The following HCFC1 variants were observed in gnomAD, a reference collection of about 807,000 sequenced individuals.
HCFC1 encodes the protein host cell factor 1.
HCFC1 carries 7 observed loss-of-function variants against 105.5 expected under a neutral mutation model. The ratio of observed to expected loss-of-function variants is 0.07; its 90% CI spans 0.04 to 0.12. The LOEUF (loss-of-function observed/expected upper bound fraction) is 0.12. Among genes scored for constraint, HCFC1 ranks in the 10% least tolerant of loss-of-function variants. HCFC1 has a pLI of 1.00. For synonymous variants in HCFC1, 918 were observed against 828.1 expected, an observed-to-expected ratio of 1.11 and a Z score of -1.86; for missense variants, 1,065 against 1,823.6, an observed-to-expected ratio of 0.58 and a Z score of 7.58.
At chrX:153,964,384 C>A in intron 2 of HCFC1, 100 bp from the exon 3 acceptor site, 1 of 942,100 alleles carries the variant, frequency 1.1e-6, no homozygotes, top group Non-Finnish European at 1.5e-6. Flanking sequence ...CGGGGGTGAG[C>A]GAGGTGCCTT....
rs781984758 is a variant in HCFC1, at chrX:153,954,963, C to T, written c.3436G>A (p.Val1146Met). ...CCAGTGGCCACACTGATCCGGATCA[C>T]GGCAGGGGTGCCAGCTGCACAGGCC... is the stretch of plus-strand genomic sequence containing the variant. ...RRACAAGTPA[V>M]IRISVATGAL... Residue 1146 changes from valine to methionine, a missense_variant, in exon 17 of 26, where the codon GTG (valine) becomes ATG (methionine). By Grantham distance (21) the Val-to-Met change is conservative. Around this residue, in one of 17 missense-constraint regions of HCFC1, gnomAD observed 546 missense variants for 599.9 expected, o/e 0.91. Transcript: ENST00000310441. 1.2e-5 allele frequency: 14 copies of T among 1,199,678 alleles called. No homozygotes were observed. The highest frequency in any genetic ancestry group is 9.0e-5 in the South Asian group (5 of 55,859).
chrX:153,957,640 G>A (rs2065390758), intron 12 of HCFC1, 107 bp from the exon 13 acceptor site: 2 of 790,076 alleles, frequency 2.5e-6, no homozygotes, highest in African/African-American at 4.1e-5. Flanking sequence ...TGTTCTGGAG[G>A]CTGTGGGCGA....
intron 24 of HCFC1, 127 bp from the exon 25 acceptor site, chrX:153,949,743 G>A: frequency 1.7e-6 from 1 of 595,320 alleles, no homozygotes; most frequent in East Asian, 3.3e-5. Flanking sequence ...CAAGGGTGGG[G>A]CGCCTGCCCT....
In HCFC1 at chrX:153,954,443, T is replaced by C; in HGVS notation, c.3956A>G (p.Asn1319Ser). The C allele has an allele frequency of 8.3e-7, 1 of 1,210,759 alleles. No homozygotes were observed. The highest frequency in any genetic ancestry group is 1.1e-6 in the Non-Finnish European group (1 of 895,093). Reference sequence around the variant, plus strand: ...CGTCTCGTGGGTCTCGCATGGCGGGTTGGAGCACACCCTCTGGGCGCTGCC... The same window carrying C: ...CGTCTCGTGGGTCTCGCATGGCGGGCTGGAGCACACCCTCTGGGCGCTGCC... ...NAGSAQRVCS[N>S]PPCETHETGT... The change falls in exon 17 of 26, where the codon AAC becomes AGC. Residue 1319 changes from asparagine (N) to serine (S), a missense_variant. Asn to Ser is a conservative substitution (Grantham distance 46). Around this residue, in one of 17 missense-constraint regions of HCFC1, gnomAD observed 546 missense variants for 599.9 expected, o/e 0.91. Coordinates refer to ENST00000310441, the MANE Select transcript of HCFC1 (RefSeq NM_005334.3).
chrX:153,964,387 G>T, intron 2 of HCFC1, 103 bp from the exon 3 acceptor site: 1 of 942,707 alleles, frequency 1.1e-6, no homozygotes, highest in Non-Finnish European at 1.5e-6. Flanking sequence ...GGGTGAGCGA[G>T]GTGCCTTGCT....
chrX:153,962,042 A>ATCTG (rs782274838), intron 5 of HCFC1, among the ~76,000 whole-genome samples, 180 bp downstream of exon 5: 3 of 111,563 alleles, frequency 2.7e-5, no homozygotes, highest in African/African-American at 9.8e-5. Context: ...TCCCCCCTGA[A>ATCTG]TCTGTCTTTC....
intron 9 of HCFC1, 117 bp downstream of exon 9, chrX:153,959,214 A>G: frequency 2.6e-6 from 2 of 768,599 alleles, no homozygotes; most frequent in Non-Finnish European, 3.8e-6. Flanking sequence ...CCCAGGAGGG[A>G]AAGGTGTGGG....
chrX:153,962,040 G>C (rs1291419116), intron 5 of HCFC1, among the ~76,000 whole-genome samples, 182 bp downstream of exon 5: 1 of 111,524 alleles, frequency 9.0e-6, no homozygotes, highest in African/African-American at 3.3e-5. Context: ...TCTCCCCCCT[G>C]AATCTGTCTT....
In HCFC1 at chrX:153,952,678, G is replaced by A; in HGVS notation, c.4778C>T (p.Ala1593Val). ...GGTGGTGGTGCCAGCTTGGGCCTCG[G>A]CCATTAGCTCTTGGGGAAGTGATAA... ...DQLSLPQELMAEAQAGTTTLM... is the reference protein window; with the variant it reads ...DQLSLPQELMVEAQAGTTTLM... Residue 1593 changes from alanine (A) to valine (V), a missense_variant, in exon 19 of 26, where the codon GCC becomes GTC. By Grantham distance (64) the Ala-to-Val change is moderately conservative. Transcript: ENST00000310441. 2.5e-6 allele frequency: 3 copies of A among 1,210,892 alleles called. No individual in the cohort carries two copies. The highest frequency in any genetic ancestry group is 3.4e-6 in the Non-Finnish European group (3 of 895,040).
chrX:153,970,338 A>G (rs1389471558), intron 1 of HCFC1, among the ~76,000 whole-genome samples: 1 of 106,038 alleles, frequency 9.4e-6, no homozygotes, highest in East Asian at 3.0e-4. Flanking sequence ...CCAATCCTCA[A>G]ACACGGGAGA....
At position 153,959,819 on chromosome X, in the gene HCFC1, G is replaced by C; in HGVS notation, c.1427C>G (p.Thr476Ser). Residue 476 changes from threonine to serine, a missense_variant, in exon 8 of 26, where the codon ACC becomes AGC. Physicochemically the swap from Thr to Ser is moderately conservative, Grantham distance 58 (BLOSUM62 1). Around this residue, in one of 17 missense-constraint regions of HCFC1, gnomAD observed 101 missense variants for 155.1 expected, o/e 0.65. Transcript: ENST00000310441. Reference sequence around the variant, plus strand: ...TGGCTCACCTTGAGTCCTGGCTGCGGTGGGCACAGAAATGGAGCTGCCAGG... The same window carrying C: ...TGGCTCACCTTGAGTCCTGGCTGCGCTGGGCACAGAAATGGAGCTGCCAGG... Reference protein sequence around the residue: ...TVPGSSISVPTAARTQGVPAV... With the variant: ...TVPGSSISVPSAARTQGVPAV... 8.5e-7 allele frequency: 1 copy of C among 1,172,679 alleles called. No homozygotes were observed. Among genetic ancestry groups the C allele is most frequent in the East Asian group, 3.0e-5 (1 of 33,466 alleles).
At chrX:153,954,006 T>C (rs782337219) in intron 17 of HCFC1, 60 bp downstream of exon 17, 52 of 1,130,507 alleles carry the variant, frequency 4.6e-5, no homozygotes, top group Non-Finnish European at 5.8e-5. Context: ...ATCGTTGTCT[T>C]GGCCTTTCAG....
chrX:153,951,516 C>A lies in HCFC1; in HGVS notation c.5380-29G>T, dbSNP rs782368724. On this transcript the variant is annotated intron_variant, in intron 21 of 25. Coordinates refer to ENST00000310441, the MANE Select transcript of HCFC1 (RefSeq NM_005334.3). ...CAAGACAGAATCGGTGCGACGAGAT[C>A]AGGCCCTCAGCACCTAGAGGCAGTG... 3.3e-6 allele frequency: 4 copies of A among 1,210,753 alleles called. No individual in the cohort carries two copies. In the Admixed American group the frequency reaches 8.7e-5, roughly 26 times the overall value.
At chrX:153,957,141 C>T (rs972466350) in intron 13 of HCFC1, 81 bp from the exon 14 acceptor site, 46 of 1,082,864 alleles carry the variant, frequency 4.2e-5, no homozygotes, top group Non-Finnish European at 2.5e-5. Context: ...TGAACATCCA[C>T]AAGTCACAGC....
chrX:153,962,884 T>C lies in HCFC1; in HGVS notation c.712+341A>G, dbSNP rs782090862. Among the ~76,000 whole-genome samples, 5 of 112,167 alleles carry C rather than the reference T, an allele frequency of 4.5e-5. No homozygotes were observed. In the South Asian group the frequency reaches 1.5e-3, roughly 33 times the overall value. ...TGGTACCACAGCAGTCAGACCAGGATGCAGCACTCCACACAGTCTGACCAC... is the reference window on the plus strand; with the variant it reads ...TGGTACCACAGCAGTCAGACCAGGACGCAGCACTCCACACAGTCTGACCAC... On this transcript the variant is annotated intron_variant, in intron 4 of 25. Coordinates refer to ENST00000310441, the MANE Select transcript of HCFC1 (RefSeq NM_005334.3).
Position 153,960,031 on chromosome X carries a change from C to T in HCFC1, c.1215G>A (p.Thr405=), listed in dbSNP as rs371111630. The T allele has an allele frequency of 1.2e-5, 15 of 1,211,438 alleles. No individual in the cohort carries two copies. Among genetic ancestry groups the T allele is most frequent in the Non-Finnish European group, 1.3e-5 (12 of 895,396 alleles). The stretch of plus-strand genomic sequence containing the variant: ...GTGTAGGGGAGGTGGCAGTAGCAGC[C>T]GTGGCAGGAATGTCATATTTCTGGA... ...LQLQKYDIPA[T]AATATSPTPN... is the part of the protein sequence containing the mutation. The change falls in exon 8 of 26, where the codon ACG becomes ACA. Residue 405 remains threonine (T), a synonymous_variant. Coordinates refer to ENST00000310441, the MANE Select transcript of HCFC1 (RefSeq NM_005334.3).
intron 3 of HCFC1, 31 bp downstream of exon 3, chrX:153,964,093 G>C (rs1175103752): frequency 5.1e-6 from 6 of 1,167,026 alleles, no homozygotes; most frequent in Admixed American, 2.3e-5. Flanking sequence ...CACCCACCCG[G>C]GGGGTTCCAG....
chrX:153,947,697 G>A lies in HCFC1; in HGVS notation c.*1650C>T, dbSNP rs1603293275. The A allele has an allele frequency of 1.8e-5, 2 of 112,105 alleles. No individual in the cohort carries two copies. Among genetic ancestry groups the A allele is most frequent in the African/African-American group, 3.2e-5 (1 of 30,812 alleles). 9.2% of individuals were successfully genotyped at this position (112,105 alleles called of 1,213,427 possible). ...ACAAATCAATAGGCGCGCGAGAGAAGGGATGGGGTAAAACAACAGGACCAG... is the reference window on the plus strand; with the variant it reads ...ACAAATCAATAGGCGCGCGAGAGAAAGGATGGGGTAAAACAACAGGACCAG... On this transcript the variant is annotated 3_prime_UTR_variant, in exon 26 of 26. Coordinates refer to ENST00000310441, the MANE Select transcript of HCFC1 (RefSeq NM_005334.3).
chrX:153,950,525 G>A lies in HCFC1; in HGVS notation c.5722C>T (p.Leu1908Phe), dbSNP rs1337353924. ...GTCACAGAGGGTGGCTCCCAGGTGA[G>A]GTGAGCACCATCCGGACTCTAGAAG... ...KISKSPDGAH[L>F]TWEPPSVTSG... Residue 1908 changes from leucine to phenylalanine, a missense_variant, in exon 24 of 26, where the codon CTC becomes TTC. Leu to Phe is a conservative substitution (Grantham distance 22, BLOSUM62 0). Transcript: ENST00000310441. The A allele has an allele frequency of 8.6e-7, 1 of 1,169,215 alleles. No individual in the cohort carries two copies. The highest frequency in any genetic ancestry group is 2.4e-5 in the Admixed American group (1 of 41,629).
Sources: allele counts gnomAD v4.1 joint callset (sites outside exome capture counted in the v4.1 genomes callset), GRCh38; gene constraint gnomAD v4.1.1; regional missense constraint gnomAD v4.1.1; transcripts MANE v1.5; gene names NCBI Gene and HGNC (gene_info 2026-07-23, HGNC 2026-07-21).